Variants in C16orf46 observed in about 807,000 individuals in gnomAD.
The protein encoded by C16orf46 is uncharacterized protein C16orf46.
A neutral mutation model predicts 5.5 loss-of-function variants in C16orf46; 7 were observed. The observed-to-expected ratio is 1.28, with a 90% CI of 0.73 to 2.40. The LOEUF (loss-of-function observed/expected upper bound fraction) is 2.40, where lower values mean the gene tolerates loss of function less well. Ranked by LOEUF, C16orf46 falls within the 30% of genes most tolerant of loss-of-function variation. C16orf46 has a pLI of 0.00. For missense variants in C16orf46, 614 were observed against 476.0 expected (o/e 1.29, Z -2.70); for synonymous variants, 200 against 184.1 (o/e 1.09, Z -0.70).
chr16:81,065,800 A>G (rs1971635273), intron 2 of C16orf46, among the ~76,000 whole-genome samples: 1 of 145,704 alleles, frequency 6.9e-6, no homozygotes, highest in Non-Finnish European at 1.5e-5. Context: ...GCTTTTTCAC[A>G]TAGGCTTAGT....
chr16:81,076,654 AAC>A (rs561727243), intron 1 of C16orf46: 4 of 152,712 alleles, frequency 2.6e-5, no homozygotes, highest in African/African-American at 4.8e-5. Context: ...CAAGTCATCA[AAC>A]ACACGCGCTC....
rs535897034 is a variant in C16orf46, at chr16:81,061,394, G to A, written c.955C>T (p.Arg319Cys). Residue 319 changes from arginine (R) to cysteine (C), a missense_variant, in exon 4 of 4, where the codon CGC becomes TGC. By Grantham distance (180) the Arg-to-Cys change is radical. Coordinates refer to ENST00000299578, the MANE Select transcript of C16orf46 (RefSeq NM_152337.3). The stretch of plus-strand genomic sequence containing the variant: ...AGAAGCTGCAAGGCAGCAAGGTAGC[G>A]AACGTTGCTGGGGTCTGGAGGGCAC... ...LACPPDPSNVRYLAALQLLQK... is the reference protein window; with the variant it reads ...LACPPDPSNVCYLAALQLLQK... 6.8e-6 allele frequency: 11 copies of A among 1,614,076 alleles called. No individual in the cohort carries two copies. The highest frequency in any genetic ancestry group is 2.2e-5 in the South Asian group (2 of 91,090).
At chr16:81,055,380 G>C (rs927935020) in intron 3 of C16orf46, 5 of 152,186 alleles carry the variant, frequency 3.3e-5, no homozygotes, top group Admixed American at 2.6e-4. Context: ...TTTCAAGCTA[G>C]CTCTCCTCAA....
rs1030449049 is a variant in C16orf46, at chr16:81,066,282, C to T, written c.-127-1G>A. On this transcript the variant is annotated splice_acceptor_variant, in intron 1 of 3. Coordinates refer to ENST00000299578, the MANE Select transcript of C16orf46 (RefSeq NM_152337.3). LOFTEE classifies it low-confidence loss of function (5UTR_SPLICE). ...TAAAAGAGAATATTGGGGTCTTTTC[C>T]TAATTAAAAAGAAATTCAGTTAGTG... 1 of 151,974 alleles carries T rather than the reference C, an allele frequency of 6.6e-6. No homozygotes were observed. Among genetic ancestry groups the T allele is most frequent in the African/African-American group, 2.4e-5 (1 of 41,362 alleles). The allele number at this position is 151,974 out of a possible 1,614,324, so 9.4% of individuals were successfully genotyped here. A position where few individuals can be genotyped will look rare whatever the true frequency, so the allele number is the denominator to read the frequency against.
chr16:81,055,742 C>T (rs777549200), intron 3 of C16orf46, among the ~76,000 whole-genome samples: 3 of 152,010 alleles, frequency 2.0e-5, no homozygotes, highest in Non-Finnish European at 2.9e-5. Context: ...TGTTTTGAGA[C>T]GGACTGTCGC....
chr16:81,054,281 C>CAAA (rs997311393), intron 3 of C16orf46, among the ~76,000 whole-genome samples: 1 of 73,470 alleles, frequency 1.4e-5, no homozygotes, highest in African/African-American at 3.8e-5. Flanking sequence ...ACAACAACAA[C>CAAA]AAAAAAAAAC....
At chr16:81,062,879 C>T (rs368629805) in intron 3 of C16orf46, among the ~76,000 whole-genome samples, 2 of 138,362 alleles carry the variant, frequency 1.4e-5, no homozygotes, top group African/African-American at 2.7e-5. Context: ...TAGTTTTATG[C>T]TTTTTTTTTT....
At chr16:81,058,329 G>C (rs996878264), downstream of C16orf46, among the ~76,000 whole-genome samples, 2 of 152,158 alleles carry the variant, frequency 1.3e-5, no homozygotes, top group African/African-American at 4.8e-5. Context: ...CTGTGTCCAA[G>C]AAAATATACA....
chr16:81,061,712 G>A lies in C16orf46; in HGVS notation c.637C>T (p.Pro213Ser), dbSNP rs575038585. ...LTSRALLVLP[P>S]LKASLSNALD... is the part of the protein sequence containing the mutation. ...GCATTTGAAAGTGAAGCCTTCAGGG[G>A]AGGCAGAACTAGGAGGGCCCTGGAA... is the stretch of plus-strand genomic sequence containing the variant. Residue 213 changes from proline to serine, a missense_variant, in exon 4 of 4, where the codon CCC (proline) becomes TCC (serine). Transcript: ENST00000299578. The A allele has an allele frequency of 6.2e-7, 1 of 1,614,084 alleles. No individual in the cohort carries two copies. Among genetic ancestry groups the A allele is most frequent in the Non-Finnish European group, 8.5e-7 (1 of 1,180,040 alleles).
downstream of C16orf46, chr16:81,056,112 A>C (rs909759463): frequency 2.0e-5 from 3 of 152,226 alleles, no homozygotes; most frequent in African/African-American, 7.2e-5. Context: ...TATGAAGCAC[A>C]GATTGCCAGT....
intron 1 of C16orf46, among the ~76,000 whole-genome samples, chr16:81,072,435 G>C (rs1283278310): frequency 2.6e-5 from 4 of 152,002 alleles, no homozygotes; most frequent in Non-Finnish European, 5.9e-5. Flanking sequence ...GCCCAGGCTG[G>C]AGTGCAATGG....
intron 1 of C16orf46, among the ~76,000 whole-genome samples, chr16:81,069,055 G>A (rs1373933095): frequency 1.3e-5 from 2 of 152,072 alleles, no homozygotes; most frequent in Non-Finnish European, 2.9e-5. Flanking sequence ...TTATTTTAAT[G>A]AAAATGAGGT....
rs200929292 is a variant in C16orf46 at position 81,062,150 on chromosome 16, G to A, written c.211-12C>T. The A allele has an allele frequency of 1.3e-5, 20 of 1,545,692 alleles. No individual in the cohort carries two copies. Among genetic ancestry groups the A allele is most frequent in the African/African-American group, 4.1e-5 (3 of 73,556 alleles). On this transcript the variant is annotated splice_polypyrimidine_tract_variant and intron_variant, in intron 3 of 3. Transcript: ENST00000299578. ...CCCCACCCTTGGACCTGCAAATAAA[G>A]CGGCATGTTACTCCTCCAGCTGAGG...
At position 81,061,092 on chromosome 16, in the gene C16orf46, G is replaced by C. The variant is rs1443463069; in HGVS notation, c.*69C>G. 3.2e-5 allele frequency: 49 copies of C among 1,509,834 alleles called. No individual in the cohort carries two copies. Among genetic ancestry groups the C allele is most frequent in the Non-Finnish European group, 4.0e-5 (45 of 1,129,172 alleles). 93.5% of individuals were successfully genotyped at this position (1,509,834 alleles called of 1,614,324 possible). A position where few individuals can be genotyped will look rare whatever the true frequency, so the allele number is the denominator to read the frequency against. ...AGAGTGGGGGGTGGGTGGGAAATGAGAGAGAAGAAAGAGAAAGGATGGCTG... is the reference window on the plus strand; with the variant it reads ...AGAGTGGGGGGTGGGTGGGAAATGACAGAGAAGAAAGAGAAAGGATGGCTG... On this transcript the variant is annotated 3_prime_UTR_variant, in exon 4 of 4. Coordinates refer to ENST00000299578, the MANE Select transcript of C16orf46 (RefSeq NM_152337.3).
chr16:81,065,809 GTTTTT>G (rs1435799809), intron 2 of C16orf46, among the ~76,000 whole-genome samples: 1 of 129,582 alleles, frequency 7.7e-6, no homozygotes, highest in African/African-American at 2.9e-5. Flanking sequence ...CATAGGCTTA[GTTTTT>G]TTATTTTGTT....
intron 3 of C16orf46, 37 bp from the exon 4 acceptor site, chr16:81,062,175 G>A: frequency 1.3e-6 from 2 of 1,512,182 alleles, no homozygotes; most frequent in Non-Finnish European, 8.8e-7. Context: ...TCCAGCTGAG[G>A]GGCCCAAACT....
intron 1 of C16orf46, among the ~76,000 whole-genome samples, chr16:81,074,394 C>CTT (rs60066332): frequency 2.0e-5 from 3 of 148,734 alleles, no homozygotes; most frequent in South Asian, 2.1e-4. Context: ...TTTTTTCTTT[C>CTT]TTTTTTTTTT....
chr16:81,061,645 T>G lies in C16orf46; in HGVS notation c.704A>C (p.Gln235Pro), dbSNP rs752747522. ...LGKKSKNSFL[Q>P]SEEKVLDVEK... ...CACATCCAGCACCTTCTCTTCTGACTGCAAGAAAGAGTTCTTACTCTTCTT... is the reference window on the plus strand; with the variant it reads ...CACATCCAGCACCTTCTCTTCTGACGGCAAGAAAGAGTTCTTACTCTTCTT... Residue 235 changes from glutamine (Q) to proline (P), a missense_variant, in exon 4 of 4, where the codon CAG (glutamine) becomes CCG (proline). Physicochemically the swap from Gln to Pro is moderately conservative, Grantham distance 76. Transcript: ENST00000299578. 7.4e-6 allele frequency: 12 copies of G among 1,614,080 alleles called. No homozygotes were observed. In the Admixed American group the frequency reaches 1.0e-4, roughly 13 times the overall value.
downstream of C16orf46, among the ~76,000 whole-genome samples, chr16:81,059,091 G>A (rs779476635): frequency 6.6e-6 from 1 of 151,920 alleles, no homozygotes; most frequent in Non-Finnish European, 1.5e-5. Flanking sequence ...GTCTTGTTCT[G>A]TTGCCCAGGC....
Sources: allele counts gnomAD v4.1 joint callset (sites outside exome capture counted in the v4.1 genomes callset), GRCh38; gene constraint gnomAD v4.1.1; transcripts MANE v1.5; gene names NCBI Gene and HGNC (gene_info 2026-07-23, HGNC 2026-07-21).